AOAH: variants seen among roughly 807,000 people sequenced by gnomAD.
The protein encoded by AOAH is acyloxyacyl hydrolase (neutrophil).
AOAH carries 64 observed loss-of-function variants against 92.2 expected under a neutral mutation model. The ratio of observed to expected loss-of-function variants is 0.69; its 90% confidence interval spans 0.57 to 0.86. The LOEUF (loss-of-function observed/expected upper bound fraction) is 0.86. Among genes scored for constraint, AOAH ranks in the 40% least tolerant of loss-of-function variants. AOAH has a pLI of 0.00. For synonymous variants in AOAH, 263 were observed against 254.5 expected, an observed-to-expected ratio of 1.03 and a Z score of -0.32; for missense variants, 656 against 694.6, an observed-to-expected ratio of 0.94 and a Z score of 0.62.
intron 2 of AOAH, among the ~76,000 whole-genome samples, chr7:36,680,147 C>CTGTT (rs1284918370): frequency 2.0e-5 from 3 of 152,176 alleles, no homozygotes; most frequent in Non-Finnish European, 4.4e-5. Flanking sequence ...GCATATGATT[C>CTGTT]TGTTGACCCC....
chr7:36,677,745 A>T (rs1271286135), intron 2 of AOAH, among the ~76,000 whole-genome samples: 2 of 152,224 alleles, frequency 1.3e-5, no homozygotes, highest in Non-Finnish European at 2.9e-5. Flanking sequence ...TGGTATACCT[A>T]TACGATGCAA....
intron 13 of AOAH, among the ~76,000 whole-genome samples, chr7:36,559,754 C>T (rs1733051371): frequency 6.6e-6 from 1 of 152,064 alleles, no homozygotes; most frequent in South Asian, 2.1e-4. Context: ...TCCCACTTGT[C>T]AATTTTTGTT....
intron 1 of AOAH, among the ~76,000 whole-genome samples, chr7:36,714,417 A>G (rs1309827964): frequency 2.0e-5 from 3 of 152,246 alleles, no homozygotes; most frequent in African/African-American, 7.2e-5. Flanking sequence ...AACTAGTACC[A>G]TTCCTTCTGA....
intron 6 of AOAH, among the ~76,000 whole-genome samples, chr7:36,623,662 T>C (rs1379820746): frequency 6.6e-6 from 1 of 152,328 alleles, no homozygotes; most frequent in East Asian, 1.9e-4. Context: ...CTCTTTTCAA[T>C]CACTTATCCT....
At chr7:36,665,744 T>C (rs940760371) in intron 3 of AOAH, among the ~76,000 whole-genome samples, 2 of 151,806 alleles carry the variant, frequency 1.3e-5, no homozygotes, top group African/African-American at 4.9e-5. Flanking sequence ...CTGAGAGTTT[T>C]TTTTAAATCA....
chr7:36,549,679 GTT>G (rs1786053573), intron 13 of AOAH, among the ~76,000 whole-genome samples: 2 of 152,218 alleles, frequency 1.3e-5, no homozygotes, highest in Middle Eastern at 6.8e-3. Context: ...GGGCTTTTCT[GTT>G]TATTTAGCAG....
At chr7:36,693,874 A>C (rs1797551957) in intron 1 of AOAH, among the ~76,000 whole-genome samples, 1 of 152,204 alleles carries the variant, frequency 6.6e-6, no homozygotes, top group Non-Finnish European at 1.5e-5. Context: ...TAAACACGTA[A>C]GTACTGAGAA....
chr7:36,604,336 G>A (rs541284202), intron 11 of AOAH, among the ~76,000 whole-genome samples: 5 of 152,184 alleles, frequency 3.3e-5, no homozygotes, highest in East Asian at 1.9e-4. Flanking sequence ...ATTAATTATC[G>A]TGAGCTTATT....
intron 1 of AOAH, chr7:36,690,274 C>A: frequency 2.4e-6 from 1 of 420,078 alleles, no homozygotes; most frequent in South Asian, 1.8e-5. Flanking sequence ...CGTCACTTTG[C>A]CCAGTGAAGA....
intron 6 of AOAH, 22 bp from the exon 7 acceptor site, chr7:36,623,272 A>C: frequency 6.2e-7 from 1 of 1,610,104 alleles, no homozygotes; most frequent in Non-Finnish European, 8.5e-7. Context: ...AAAACAAAAC[A>C]ATCGGTGAGC....
intron 11 of AOAH, 150 bp from the exon 12 acceptor site, chr7:36,594,580 G>T: frequency 1.4e-6 from 1 of 721,066 alleles, no homozygotes. Context: ...CAAGGCAGAT[G>T]TCTCTAACCT....
At chr7:36,669,312 A>G (rs934446914) in intron 3 of AOAH, among the ~76,000 whole-genome samples, 1 of 151,938 alleles carries the variant, frequency 6.6e-6, no homozygotes, top group African/African-American at 2.4e-5. Context: ...AGTGTACTAG[A>G]ATTTAATTAT....
chr7:36,609,158 G>A (rs1385123333), intron 11 of AOAH, among the ~76,000 whole-genome samples: 1 of 152,170 alleles, frequency 6.6e-6, no homozygotes, highest in Non-Finnish European at 1.5e-5. Context: ...GGGATGGGAA[G>A]GGTGCATCGT....
intron 6 of AOAH, 87 bp from the exon 7 acceptor site, chr7:36,623,337 C>T: frequency 2.5e-6 from 3 of 1,211,692 alleles, no homozygotes; most frequent in Non-Finnish European, 3.6e-6. Flanking sequence ...TTTTCTGATA[C>T]AGCTCTGTTG....
At position 36,663,179 on chromosome 7, in the gene AOAH, G is replaced by C. The variant is rs1212488035; in HGVS notation, c.291-3914C>G. Reference sequence around the variant, plus strand: ...AGACTTTTTCTTTTGAGCAGTTTTAGGTTTACAGTGAAATTGAGAGGAAAA... The same window carrying C: ...AGACTTTTTCTTTTGAGCAGTTTTACGTTTACAGTGAAATTGAGAGGAAAA... On this transcript the variant is annotated intron_variant, in intron 3 of 20. Transcript: ENST00000617537. Among the ~76,000 whole-genome samples the C allele has an allele frequency of 2.0e-5, 3 of 152,118 alleles. No individual in the cohort carries two copies. The East Asian group carries it at 5.8e-4, about 29-fold the overall frequency.
chr7:36,620,805 CTGA>C lies in AOAH; in HGVS notation c.675_677del (p.His225del). On this transcript the variant is annotated inframe_deletion, in exon 9 of 21. Transcript: ENST00000617537. Reference sequence around the variant, plus strand: ...CCCAAATGCCATTACAGTTTGAATCCTGATGGACATCCCAGTTGTTCGGCCTAA... The same window carrying C: ...CCCAAATGCCATTACAGTTTGAATCCTGGACATCCCAGTTGTTCGGCCTAA... 1 of 1,613,752 alleles carries C rather than the reference CTGA, an allele frequency of 6.2e-7. No individual in the cohort carries two copies. The highest frequency in any genetic ancestry group is 8.5e-7 in the Non-Finnish European group (1 of 1,179,832).
chr7:36,554,074 A>G (rs1786498525), intron 13 of AOAH, among the ~76,000 whole-genome samples: 1 of 152,202 alleles, frequency 6.6e-6, no homozygotes, highest in Non-Finnish European at 1.5e-5. Flanking sequence ...TATGTCATGA[A>G]TGGTAATGCC....
At chr7:36,532,120 G>T in intron 18 of AOAH, 27 bp downstream of exon 18, 2 of 1,612,440 alleles carry the variant, frequency 1.2e-6, no homozygotes, top group East Asian at 2.2e-5. Flanking sequence ...ATCAAAGATG[G>T]TATCAAAAGG....
intron 3 of AOAH, among the ~76,000 whole-genome samples, chr7:36,668,301 T>C (rs1011587838): frequency 6.6e-6 from 1 of 152,194 alleles, no homozygotes; most frequent in African/African-American, 2.4e-5. Flanking sequence ...TTGGTTCCCC[T>C]GGAATTTTTA....
Sources: gnomAD v4.1 joint callset for allele counts (sites outside exome capture counted in the v4.1 genomes callset) on GRCh38, gnomAD v4.1.1 for gene constraint, MANE v1.5 for transcripts, NCBI Gene and HGNC (gene_info 2026-07-23, HGNC 2026-07-21) for gene names.